The following GRIK2 variants were observed in gnomAD, a reference collection of about 807,000 sequenced individuals.
The protein encoded by GRIK2 is glutamate receptor ionotropic, kainate 2.
A neutral mutation model predicts 100.3 loss-of-function variants in GRIK2; 32 were observed. The ratio of observed to expected loss-of-function variants is 0.32; its 90% CI spans 0.24 to 0.43. The LOEUF (loss-of-function observed/expected upper bound fraction) is 0.43. Among genes scored for constraint, GRIK2 ranks in the 20% least tolerant of loss-of-function variants. GRIK2 has a pLI of 1.00. For synonymous variants in GRIK2, 417 were observed against 389.4 expected (o/e 1.07, Z -0.83); for missense variants, 843 against 1,114.9 (o/e 0.76, Z 3.47).
intron 16 of GRIK2, 126 bp downstream of exon 16, chr6:102,055,706 A>G (rs970168368): frequency 6.3e-6 from 4 of 636,508 alleles, no homozygotes; most frequent in Non-Finnish European, 1.1e-5. Context: ...AAATTGTCTT[A>G]TGTCATTCAT....
chr6:101,872,209 A>G (rs1051305955), intron 11 of GRIK2, among the ~76,000 whole-genome samples: 1 of 152,036 alleles, frequency 6.6e-6, no homozygotes, highest in African/African-American at 2.4e-5. Context: ...TGTGGCCAAC[A>G]TTAACCCAGT....
At position 101,973,788 on chromosome 6, in the gene GRIK2, G is replaced by A. The variant is rs185111915; in HGVS notation, c.2085+45156G>A. Among the ~76,000 whole-genome samples the A allele has an allele frequency of 1.6e-4, 25 of 151,860 alleles. No homozygotes were observed. The East Asian group carries it at 3.5e-3, about 21-fold the overall frequency. ...ACCCTATTACCTTCAGATACAGTAC[G>A]AACTAAAAGCATTATTGTTATCAAA... On this transcript the variant is annotated intron_variant, in intron 14 of 16. Coordinates refer to ENST00000369134, the MANE Select transcript of GRIK2 (RefSeq NM_021956.5).
At chr6:101,544,696 C>T (rs780336524) in intron 2 of GRIK2, among the ~76,000 whole-genome samples, 11 of 152,132 alleles carry the variant, frequency 7.2e-5, no homozygotes, top group South Asian at 2.1e-4. Context: ...TATGCTCTTA[C>T]GCATTTTAAA....
intron 2 of GRIK2, among the ~76,000 whole-genome samples, chr6:101,499,685 G>A (rs1773648656): frequency 6.6e-6 from 1 of 151,972 alleles, no homozygotes. Context: ...TCAAATTGGA[G>A]TATATTATTT....
intron 9 of GRIK2, among the ~76,000 whole-genome samples, chr6:101,817,019 T>C (rs1435844696): frequency 6.6e-6 from 1 of 152,194 alleles, no homozygotes; most frequent in Non-Finnish European, 1.5e-5. Flanking sequence ...ATGTTTCACA[T>C]TGATATGACC....
In GRIK2 at chr6:101,467,382, G is replaced by A. The variant is rs772506672; in HGVS notation, c.115+67990G>A. On this transcript the variant is annotated intron_variant, in intron 2 of 16. Transcript: ENST00000369134. The stretch of plus-strand genomic sequence containing the variant: ...AACTGCCAGATGCTAAAGTAACATA[G>A]ATAAGCCAATTAGGAATAGTTTCAT... Among the ~76,000 whole-genome samples the A allele has an allele frequency of 2.5e-4, 38 of 152,076 alleles. 1 individual carries two copies. The highest frequency in any genetic ancestry group is 9.8e-4 in the Admixed American group (15 of 15,274).
At chr6:101,834,263 ATTTAT>A (rs1342493166) in intron 10 of GRIK2, among the ~76,000 whole-genome samples, 2 of 152,064 alleles carry the variant, frequency 1.3e-5, no homozygotes, top group Non-Finnish European at 2.9e-5. Flanking sequence ...TGATGAAGAA[ATTTAT>A]TTTATTACTG....
At chr6:101,617,185 A>T (rs1484610943) in intron 2 of GRIK2, among the ~76,000 whole-genome samples, 3 of 151,748 alleles carry the variant, frequency 2.0e-5, no homozygotes, top group Admixed American at 6.6e-5. Flanking sequence ...AGAATGATCT[A>T]TGTAAAGTGC....
At chr6:101,816,742 A>G (rs1373874419) in intron 9 of GRIK2, among the ~76,000 whole-genome samples, 1 of 152,114 alleles carries the variant, frequency 6.6e-6, no homozygotes, top group Non-Finnish European at 1.5e-5. Context: ...AAATAGTTTA[A>G]GCAGGTCAAC....
intron 2 of GRIK2, among the ~76,000 whole-genome samples, chr6:101,427,820 T>G (rs1291065439): frequency 3.3e-5 from 5 of 152,212 alleles, no homozygotes; most frequent in African/African-American, 1.2e-4. Flanking sequence ...CATTTATCCA[T>G]TCATTTATTC....
Position 101,689,772 on chromosome 6 carries a change from A to G in GRIK2, c.951+3419A>G, listed in dbSNP as rs138203001. Among the ~76,000 whole-genome samples, 385 of 152,086 alleles carry G rather than the reference A, an allele frequency of 2.5e-3. 6 individuals carry two copies. The highest frequency in any genetic ancestry group is 9.0e-3 in the African/African-American group (373 of 41,512). Reference sequence around the variant, plus strand: ...TCCCACTTTTCTCCATTCCCACACAATGCCATCCAGTTAGTGCTCTGAACT... The same window carrying G: ...TCCCACTTTTCTCCATTCCCACACAGTGCCATCCAGTTAGTGCTCTGAACT... On this transcript the variant is annotated intron_variant, in intron 7 of 16. Transcript: ENST00000369134.
At chr6:101,796,697 C>A (rs80059999) in intron 7 of GRIK2, among the ~76,000 whole-genome samples, 74 of 152,178 alleles carry the variant, frequency 4.9e-4, no homozygotes, top group African/African-American at 1.7e-3. Flanking sequence ...ATTACTTGTA[C>A]CTTTTTCTCA....
chr6:101,774,871 A>T (rs954472833), intron 7 of GRIK2, among the ~76,000 whole-genome samples: 1 of 152,250 alleles, frequency 6.6e-6, no homozygotes, highest in Admixed American at 6.5e-5. Context: ...TATATCAGAA[A>T]GAAAAGTTAT....
intron 9 of GRIK2, among the ~76,000 whole-genome samples, chr6:101,811,545 A>T (rs1562406359): frequency 6.6e-6 from 1 of 151,916 alleles, no homozygotes; most frequent in African/African-American, 2.4e-5. Flanking sequence ...CTTTATTTGG[A>T]ACTAATATTT....
intron 2 of GRIK2, among the ~76,000 whole-genome samples, chr6:101,400,883 G>C (rs1276177090): frequency 6.6e-6 from 1 of 152,176 alleles, no homozygotes; most frequent in East Asian, 1.9e-4. Flanking sequence ...CATGCCTTTA[G>C]ATGGTACTTA....
chr6:101,922,410 G>A (rs1172244496), intron 12 of GRIK2, among the ~76,000 whole-genome samples: 1 of 152,072 alleles, frequency 6.6e-6, no homozygotes, highest in Non-Finnish European at 1.5e-5. Context: ...GTTTCTAGGA[G>A]TTGTCATATG....
chr6:101,751,557 T>C lies in GRIK2; in HGVS notation c.952-48091T>C, dbSNP rs920644427. ...ATAAACTAATAACTTTTTAACATCA[T>C]CAAATATACAATGATCTAATTTCCA... On this transcript the variant is annotated intron_variant, in intron 7 of 16. Transcript: ENST00000369134. Among the ~76,000 whole-genome samples the C allele has an allele frequency of 9.2e-5, 14 of 152,298 alleles. 1 individual carries two copies. Among genetic ancestry groups the C allele is most frequent in the Admixed American group, 8.5e-4 (13 of 15,302 alleles).
At chr6:101,638,178 G>C (rs9485523) in intron 4 of GRIK2, among the ~76,000 whole-genome samples, 45 of 149,584 alleles carry the variant, frequency 3.0e-4, no homozygotes, top group African/African-American at 1.1e-3. Context: ...TTACTGATTT[G>C]TTTGTTTGTT....
At chr6:101,700,840 G>A (rs1295028544) in intron 7 of GRIK2, among the ~76,000 whole-genome samples, 2 of 152,102 alleles carry the variant, frequency 1.3e-5, no homozygotes, top group Admixed American at 1.3e-4. Context: ...AGTTAATAAG[G>A]ACTGGTATAG....
Sources: gnomAD v4.1 joint callset for allele counts (sites outside exome capture counted in the v4.1 genomes callset) on GRCh38, gnomAD v4.1.1 for gene constraint, MANE v1.5 for transcripts, NCBI Gene and HGNC (gene_info 2026-07-23, HGNC 2026-07-21) for gene names.